Variants in AFAP1 observed in about 807,000 individuals in gnomAD.
AFAP1 encodes actin filament associated protein 1.
AFAP1 carries 75 observed loss-of-function variants against 93.9 expected under a neutral mutation model. The observed-to-expected ratio is 0.80, with a 90% CI of 0.66 to 0.97. The LOEUF is 0.97. AFAP1 is among the 50% of genes least tolerant of loss of function. The pLI is 0.00. For missense variants in AFAP1, 1,201 were observed against 1,050.8 expected, an observed-to-expected ratio of 1.14 and a Z score of -1.98; for synonymous variants, 517 against 430.7, an observed-to-expected ratio of 1.20 and a Z score of -2.48.
intron 1 of AFAP1, among the ~76,000 whole-genome samples, chr4:7,879,105 C>T (rs1717691308): frequency 6.6e-6 from 1 of 152,198 alleles, no homozygotes; most frequent in South Asian, 2.1e-4. Context: ...CACCCAACTT[C>T]CTCAATGTAC....
intron 1 of AFAP1, among the ~76,000 whole-genome samples, chr4:7,907,244 C>CT (rs532528360): frequency 6.6e-6 from 1 of 152,170 alleles, no homozygotes; most frequent in Non-Finnish European, 1.5e-5. Flanking sequence ...TATAGGACCA[C>CT]TTACCCCTCA....
chr4:7,913,619 G>C (rs186857054), intron 1 of AFAP1, among the ~76,000 whole-genome samples: 1 of 152,250 alleles, frequency 6.6e-6, no homozygotes, highest in Admixed American at 6.5e-5. Flanking sequence ...AAATGTGTAA[G>C]AGGAAGAAAA....
chr4:7,811,465 A>C (rs1194906858), intron 8 of AFAP1, among the ~76,000 whole-genome samples: 1 of 151,532 alleles, frequency 6.6e-6, no homozygotes, highest in Non-Finnish European at 1.5e-5. Context: ...TATCCTTCCC[A>C]ATCTCCGCCT....
chr4:7,788,120 G>A (rs1717488452), intron 11 of AFAP1, among the ~76,000 whole-genome samples: 1 of 152,234 alleles, frequency 6.6e-6, no homozygotes, highest in Non-Finnish European at 1.5e-5. Flanking sequence ...CCTCACGCAG[G>A]GGCAGGTGCC....
At chr4:7,774,510 T>TG in intron 15 of AFAP1, 5 of 575,436 alleles carry the variant, frequency 8.7e-6, no homozygotes, top group South Asian at 2.7e-5. Context: ...GAGCAGCGTG[T>TG]GGGTCTGGCC....
intron 11 of AFAP1, among the ~76,000 whole-genome samples, chr4:7,791,170 C>G (rs1717827543): frequency 6.6e-6 from 1 of 152,200 alleles, no homozygotes; most frequent in African/African-American, 2.4e-5. Context: ...CTGAGCCCAT[C>G]TTCTTCACAC....
chr4:7,772,708 G>C (rs991841703), intron 16 of AFAP1, 112 bp downstream of exon 16: 1 of 990,214 alleles, frequency 1.0e-6, no homozygotes, highest in Non-Finnish European at 1.5e-6. Flanking sequence ...GGCACACTAA[G>C]GGGCCACAAG....
At chr4:7,836,225 G>A (rs1026227377) in intron 6 of AFAP1, among the ~76,000 whole-genome samples, 1 of 152,200 alleles carries the variant, frequency 6.6e-6, no homozygotes, top group African/African-American at 2.4e-5. Flanking sequence ...TATGACCCAA[G>A]AAGCAATAAA....
intron 11 of AFAP1, among the ~76,000 whole-genome samples, chr4:7,790,795 A>G (rs1717796611): frequency 6.6e-6 from 1 of 152,236 alleles, no homozygotes; most frequent in Non-Finnish European, 1.5e-5. Context: ...GGTAAGTACT[A>G]GACTACATCT....
chr4:7,802,009 A>G (rs1455854065), intron 9 of AFAP1, among the ~76,000 whole-genome samples: 1 of 150,978 alleles, frequency 6.6e-6, no homozygotes, highest in African/African-American at 2.4e-5. Context: ...TATGTTCTCA[A>G]TCTTACACAC....
At chr4:7,880,547 G>C (rs1322488746) in intron 1 of AFAP1, among the ~76,000 whole-genome samples, 2 of 152,168 alleles carry the variant, frequency 1.3e-5, no homozygotes, top group African/African-American at 2.4e-5. Flanking sequence ...CAAAGTGCTG[G>C]GATTACAGGC....
At chr4:7,819,259 T>C (rs186870514) in intron 6 of AFAP1, 88 bp from the exon 7 acceptor site, 32 of 1,220,506 alleles carry the variant, frequency 2.6e-5, no homozygotes, top group Admixed American at 1.9e-4. Context: ...CAGAGGCACA[T>C]GGCGTGGTAG....
intron 12 of AFAP1, among the ~76,000 whole-genome samples, chr4:7,782,231 A>G (rs2148986455): frequency 6.6e-6 from 1 of 152,356 alleles, no homozygotes; most frequent in Admixed American, 6.5e-5. Flanking sequence ...GGCAGAGCGG[A>G]GGGAAGGGCG....
At chr4:7,882,901 T>C (rs1405123242) in intron 1 of AFAP1, among the ~76,000 whole-genome samples, 1 of 151,552 alleles carries the variant, frequency 6.6e-6, no homozygotes, top group African/African-American at 2.4e-5. Flanking sequence ...AATCTACTAA[T>C]AGGCCAGGCA....
intron 1 of AFAP1, among the ~76,000 whole-genome samples, chr4:7,902,139 G>A (rs4696742): frequency 0.12 from 18,124 of 152,182 alleles, 1,334 homozygotes; most frequent in Non-Finnish European, 0.17. Context: ...ACTGCAATAG[G>A]AGCAATCTTT....
intron 6 of AFAP1, among the ~76,000 whole-genome samples, chr4:7,828,692 C>T (rs572782361): frequency 2.6e-5 from 4 of 152,334 alleles, no homozygotes; most frequent in African/African-American, 4.8e-5. Context: ...CTTAGCATCT[C>T]GTCCTCACAA....
intron 1 of AFAP1, among the ~76,000 whole-genome samples, chr4:7,893,796 G>A (rs1347089279): frequency 6.6e-6 from 1 of 152,074 alleles, no homozygotes; most frequent in African/African-American, 2.4e-5. Flanking sequence ...CAACGCTGCT[G>A]GCCATGGGTC....
chr4:7,897,030 T>TA (rs1718817939), intron 1 of AFAP1, among the ~76,000 whole-genome samples: 2 of 152,116 alleles, frequency 1.3e-5, no homozygotes, highest in South Asian at 4.1e-4. Flanking sequence ...ATGTTTGGTC[T>TA]AGAGACTCTT....
intron 5 of AFAP1, among the ~76,000 whole-genome samples, chr4:7,841,327 T>C (rs1362519357): frequency 1.3e-5 from 2 of 152,132 alleles, no homozygotes; most frequent in South Asian, 2.1e-4. Flanking sequence ...TGCAGACCCC[T>C]GGGGAGGGAG....
Sources: gnomAD v4.1 joint callset for allele counts (sites outside exome capture counted in the v4.1 genomes callset) on GRCh38, gnomAD v4.1.1 for gene constraint, MANE v1.5 for transcripts, NCBI Gene and HGNC (gene_info 2026-07-23, HGNC 2026-07-21) for gene names.